Variants in RNF122 observed in about 807,000 individuals in gnomAD.
RNF122 encodes ring finger protein 122.
RNF122 carries 17 observed loss-of-function variants against 24.2 expected under a neutral mutation model. The observed-to-expected ratio is 0.70, with a 90% confidence interval of 0.48 to 1.06. RNF122 has a LOEUF of 1.06. RNF122 is among the 50% of genes least tolerant of loss of function. The pLI, the probability that RNF122 is intolerant of heterozygous loss-of-function variation, is 0.00. For missense variants in RNF122, 168 were observed against 198.1 expected, an observed-to-expected ratio of 0.85 and a Z score of 0.91; for synonymous variants, 65 against 71.8, an observed-to-expected ratio of 0.91 and a Z score of 0.48.
At chr8:33,557,458 C>T (rs1465641819) in intron 2 of RNF122, among the ~76,000 whole-genome samples, 2 of 151,914 alleles carry the variant, frequency 1.3e-5, no homozygotes, top group African/African-American at 4.8e-5. Flanking sequence ...GGCAAAACCC[C>T]GTCTCTACTA....
At chr8:33,556,262 A>G (rs899355033) in intron 2 of RNF122, among the ~76,000 whole-genome samples, 1 of 150,428 alleles carries the variant, frequency 6.6e-6, no homozygotes, top group Non-Finnish European at 1.5e-5. Context: ...CTGGTCACCC[A>G]CTTCCTAGCC....
chr8:33,564,138 G>C (rs1208153299), intron 1 of RNF122, among the ~76,000 whole-genome samples: 2 of 152,146 alleles, frequency 1.3e-5, no homozygotes, highest in African/African-American at 4.8e-5. Flanking sequence ...AACTGTATAA[G>C]GACAGAGAAT....
At chr8:33,562,963 C>T (rs1258499567) in intron 1 of RNF122, among the ~76,000 whole-genome samples, 1 of 151,960 alleles carries the variant, frequency 6.6e-6, no homozygotes, top group African/African-American at 2.4e-5. Flanking sequence ...TGGTGGTGCA[C>T]ACCTGTAGTC....
intron 2 of RNF122, among the ~76,000 whole-genome samples, chr8:33,552,785 G>A (rs1159478240): frequency 6.6e-6 from 1 of 152,126 alleles, no homozygotes; most frequent in Non-Finnish European, 1.5e-5. Flanking sequence ...TGGGTTGGGT[G>A]GGATGGCTCA....
intron 4 of RNF122, among the ~76,000 whole-genome samples, chr8:33,550,823 C>T (rs1810363378): frequency 6.6e-6 from 1 of 152,018 alleles, no homozygotes; most frequent in Non-Finnish European, 1.5e-5. Flanking sequence ...TTATCTAAAC[C>T]CTTCTGTGAT....
chr8:33,561,436 T>A (rs745515514), intron 1 of RNF122, among the ~76,000 whole-genome samples: 1 of 152,148 alleles, frequency 6.6e-6, no homozygotes, highest in Non-Finnish European at 1.5e-5. Context: ...CACAGCCCTA[T>A]TGTAAACACT....
At chr8:33,565,223 A>T (rs1322286751) in intron 1 of RNF122, among the ~76,000 whole-genome samples, 1 of 152,014 alleles carries the variant, frequency 6.6e-6, no homozygotes, top group Non-Finnish European at 1.5e-5. Flanking sequence ...CCTATCACAC[A>T]CGGCTTGGTT....
intron 1 of RNF122, among the ~76,000 whole-genome samples, chr8:33,561,236 G>C (rs1221136204): frequency 6.6e-6 from 1 of 152,092 alleles, no homozygotes; most frequent in East Asian, 1.9e-4. Flanking sequence ...CTGACATCTT[G>C]GTTAGGAGCC....
chr8:33,565,531 G>A (rs1810609374), intron 1 of RNF122, among the ~76,000 whole-genome samples: 1 of 152,166 alleles, frequency 6.6e-6, no homozygotes, highest in African/African-American at 2.4e-5. Context: ...GGTGGGGGGC[G>A]ATTAGTATCC....
chr8:33,561,515 C>T (rs1010260567), intron 1 of RNF122, among the ~76,000 whole-genome samples: 10 of 151,958 alleles, frequency 6.6e-5, no homozygotes, highest in East Asian at 1.9e-4. Flanking sequence ...TTACCCCACA[C>T]GCCTGACACA....
Position 33,558,764 on chromosome 8 carries a change from G to C in RNF122, c.33C>G (p.Phe11Leu). Residue 11 changes from phenylalanine to leucine, a missense_variant, in exon 2 of 6, where the codon TTC (phenylalanine) becomes TTG (leucine). By Grantham distance (22) the Phe-to-Leu change is conservative. Coordinates refer to ENST00000256257, the MANE Select transcript of RNF122 (RefSeq NM_024787.3). MHPFQWCNGC[F>L]CGLGLVSTNK... Reference sequence around the variant, plus strand: ...TGGTGCTAACCAGTCCCAGGCCACAGAAACACCCTGCAAAGGGAGAGAAAA... The same window carrying C: ...TGGTGCTAACCAGTCCCAGGCCACACAAACACCCTGCAAAGGGAGAGAAAA... The C allele has an allele frequency of 6.4e-7, 1 of 1,567,036 alleles. No homozygotes were observed. The highest frequency in any genetic ancestry group is 1.8e-5 in the Admixed American group (1 of 55,064).
chr8:33,562,600 A>T (rs1810555653), intron 1 of RNF122, among the ~76,000 whole-genome samples: 1 of 151,376 alleles, frequency 6.6e-6, no homozygotes, highest in South Asian at 2.1e-4. Context: ...ACCACATAGG[A>T]AAAAAAGACA....
At chr8:33,556,179 CAAAAAAAAAAAAAAAAA>C (rs538829399) in intron 2 of RNF122, among the ~76,000 whole-genome samples, 1 of 33,976 alleles carries the variant, frequency 2.9e-5, no homozygotes, top group African/African-American at 1.0e-4. Flanking sequence ...GACCCTGTCT[CAAAAAAAAAAAAAAAAA>C]AAAAAAAAGA....
intron 2 of RNF122, among the ~76,000 whole-genome samples, chr8:33,554,703 G>C (rs1037978458): frequency 6.6e-6 from 1 of 152,256 alleles, no homozygotes; most frequent in African/African-American, 2.4e-5. Flanking sequence ...ATTTCAATGA[G>C]ACCATTTCTA....
At chr8:33,556,007 A>C (rs1482775993) in intron 2 of RNF122, among the ~76,000 whole-genome samples, 1 of 151,922 alleles carries the variant, frequency 6.6e-6, no homozygotes, top group African/African-American at 2.4e-5. Flanking sequence ...ATCGCTACAA[A>C]AAATATAAAA....
At chr8:33,555,012 C>G (rs979224333) in intron 2 of RNF122, among the ~76,000 whole-genome samples, 2 of 152,054 alleles carry the variant, frequency 1.3e-5, no homozygotes, top group Non-Finnish European at 2.9e-5. Flanking sequence ...CATTCACAGG[C>G]TACCATGTAC....
At chr8:33,559,501 A>T (rs1375152021) in intron 1 of RNF122, among the ~76,000 whole-genome samples, 1 of 152,152 alleles carries the variant, frequency 6.6e-6, no homozygotes, top group African/African-American at 2.4e-5. Flanking sequence ...AAACAAGCAA[A>T]ATAGAGAGAG....
intron 1 of RNF122, among the ~76,000 whole-genome samples, chr8:33,561,550 T>A (rs181061828): frequency 5.6e-4 from 85 of 151,976 alleles, no homozygotes; most frequent in East Asian, 9.7e-4. Context: ...TTTTTTTTTT[T>A]AATTTTTTTT....
intron 1 of RNF122, among the ~76,000 whole-genome samples, chr8:33,566,385 T>G (rs1810623582): frequency 6.6e-6 from 1 of 152,178 alleles, no homozygotes; most frequent in Non-Finnish European, 1.5e-5. Flanking sequence ...AGAACAGAGT[T>G]TGAGCGCACA....
Sources: allele counts gnomAD v4.1 joint callset (sites outside exome capture counted in the v4.1 genomes callset), GRCh38; gene constraint gnomAD v4.1.1; transcripts MANE v1.5; gene names NCBI Gene and HGNC (gene_info 2026-07-23, HGNC 2026-07-21).